The following DNER variants were observed in gnomAD, a reference collection of about 807,000 sequenced individuals.
DNER encodes delta/notch like EGF repeat containing, also known as delta and Notch-like epidermal growth factor-related receptor.
Under a neutral mutation model 78.2 loss-of-function variants are expected in DNER, and 33 were observed. The ratio of observed to expected loss-of-function variants is 0.42; its 90% CI spans 0.32 to 0.56. DNER has a LOEUF of 0.56. Ranked by LOEUF, DNER falls within the 20% of genes least tolerant of loss-of-function variation. The pLI, the probability that DNER is intolerant of heterozygous loss-of-function variation, is 0.11. For missense variants in DNER, 918 were observed against 975.3 expected, an observed-to-expected ratio of 0.94 and a Z score of 0.78; for synonymous variants, 417 against 384.8, an observed-to-expected ratio of 1.08 and a Z score of -0.98.
rs142133980 is a variant in DNER, at chr2:229,590,461, G to A, written c.585+1119C>T. Reference sequence around the variant, plus strand: ...CAAAAATAGAACCTAAATGACAACAGTAAAAAAATAGTTGAGTGTTGCGGT... The same window carrying A: ...CAAAAATAGAACCTAAATGACAACAATAAAAAAATAGTTGAGTGTTGCGGT... On this transcript the variant is annotated intron_variant, in intron 2 of 12. Coordinates refer to ENST00000341772, the MANE Select transcript of DNER (RefSeq NM_139072.4). 9.9e-3 allele frequency among the ~76,000 whole-genome samples: 1,503 copies of A among 152,258 alleles called. 24 individuals are homozygous for A. Among genetic ancestry groups the A allele is most frequent in the African/African-American group, 0.034 (1,424 of 41,558 alleles).
chr2:229,467,841 A>G (rs754794558), intron 7 of DNER, among the ~76,000 whole-genome samples: 6 of 152,252 alleles, frequency 3.9e-5, no homozygotes, highest in Non-Finnish European at 7.3e-5. Context: ...AAGAAAAAAA[A>G]TAAAAATAAA....
intron 6 of DNER, among the ~76,000 whole-genome samples, chr2:229,491,978 GAC>G (rs1438890160): frequency 5.7e-5 from 8 of 139,976 alleles, no homozygotes; most frequent in Non-Finnish European, 1.3e-4. Flanking sequence ...CACACACACA[GAC>G]ACACAGACAC....
intron 1 of DNER, among the ~76,000 whole-genome samples, chr2:229,681,311 A>T (rs1425838660): frequency 1.3e-5 from 2 of 152,224 alleles, no homozygotes; most frequent in Admixed American, 1.3e-4. Flanking sequence ...CAAGGTTCTA[A>T]CACTTAAGTC....
chr2:229,581,336 A>T (rs10175534), intron 4 of DNER, among the ~76,000 whole-genome samples: 5,782 of 152,280 alleles, frequency 0.038, 359 homozygotes, highest in African/African-American at 0.12. Flanking sequence ...AAAATACGAA[A>T]CATCCAGCAA....
At chr2:229,578,621 T>C (rs1697342964) in intron 4 of DNER, among the ~76,000 whole-genome samples, 1 of 152,142 alleles carries the variant, frequency 6.6e-6, no homozygotes. Context: ...CTTTCAATAC[T>C]GCCAGCAGCC....
Position 229,700,284 on chromosome 2 carries a change from A to ATGTGTGTGTGTG in DNER, c.276+13852_276+13863dup, listed in dbSNP as rs74181354. ...AATGTATATACATTTATGTCAATAT[A>ATGTGTGTGTGTG]TGTGTGTGTGTGTGTGTGTGTGTGT... On this transcript the variant is annotated intron_variant, in intron 1 of 12. Transcript: ENST00000341772. 6.6e-3 allele frequency among the ~76,000 whole-genome samples: 242 copies of ATGTGTGTGTGTG among 36,570 alleles called. 4 individuals carry two copies. Among genetic ancestry groups the ATGTGTGTGTGTG allele is most frequent in the African/African-American group, 0.015 (237 of 15,574 alleles). 24.0% of individuals were successfully genotyped at this position (36,570 alleles called of 152,430 possible). A position where few individuals can be genotyped will look rare whatever the true frequency, so the allele number is the denominator to read the frequency against.
chr2:229,555,634 A>AGAGAAGTGGT (rs1455112872), intron 4 of DNER, among the ~76,000 whole-genome samples: 32 of 152,330 alleles, frequency 2.1e-4, no homozygotes, highest in Admixed American at 1.8e-3. Flanking sequence ...GACAAGTCTT[A>AGAGAAGTGGT]GAGAAGTGGT....
In DNER at chr2:229,360,368, T is replaced by C. The variant is rs577575742; in HGVS notation, c.2103-1717A>G. On this transcript the variant is annotated intron_variant, in intron 12 of 12. Coordinates refer to ENST00000341772, the MANE Select transcript of DNER (RefSeq NM_139072.4). ...CTAACTAATTATTCGATTGGTTGGC[T>C]GAAAGGAAAAACCCAATTGTATATA... is the stretch of plus-strand genomic sequence containing the variant. 2.0e-5 allele frequency among the ~76,000 whole-genome samples: 3 copies of C among 152,366 alleles called. 1 individual carries two copies. In the East Asian group the frequency reaches 5.8e-4, roughly 29 times the overall value.
chr2:229,561,457 C>T (rs13385792), intron 4 of DNER, among the ~76,000 whole-genome samples: 3,776 of 152,222 alleles, frequency 0.025, 156 homozygotes, highest in African/African-American at 0.087. Context: ...TACCTTCCTA[C>T]TTTATAAACA....
intron 1 of DNER, among the ~76,000 whole-genome samples, chr2:229,693,945 G>A (rs1699622977): frequency 6.6e-6 from 1 of 152,218 alleles, no homozygotes; most frequent in African/African-American, 2.4e-5. Flanking sequence ...GACCTTCACA[G>A]CAGCCCCTCC....
chr2:229,432,169 A>T (rs1401681371), intron 8 of DNER, among the ~76,000 whole-genome samples: 1 of 152,264 alleles, frequency 6.6e-6, no homozygotes, highest in East Asian at 1.9e-4. Context: ...CAGTAAGAAA[A>T]GCATTTTAAT....
At chr2:229,676,902 C>T (rs1574559259) in intron 1 of DNER, among the ~76,000 whole-genome samples, 2 of 152,196 alleles carry the variant, frequency 1.3e-5, no homozygotes, top group Middle Eastern at 3.4e-3. Flanking sequence ...TACATCTGTT[C>T]TTTGATTCTG....
rs570425081 is a variant in DNER at position 229,579,025 on chromosome 2, G to C, written c.847+6833C>G. On this transcript the variant is annotated intron_variant, in intron 4 of 12. Transcript: ENST00000341772. ...GGCAGGTGACATATTCAAAGGTTCT[G>C]TTACATGCTTGTTGAAATATCTCTA... Among the ~76,000 whole-genome samples, 25 of 152,282 alleles carry C rather than the reference G, an allele frequency of 1.6e-4. No homozygotes were observed. The South Asian group carries it at 5.2e-3, about 32-fold the overall frequency.
intron 6 of DNER, among the ~76,000 whole-genome samples, chr2:229,480,104 G>T (rs35265916): frequency 0.12 from 19,006 of 152,150 alleles, 1,331 homozygotes; most frequent in South Asian, 0.2. Flanking sequence ...GAACTTCAAA[G>T]TTCTTTCAAT....
intron 6 of DNER, among the ~76,000 whole-genome samples, chr2:229,503,318 A>G (rs1299337889): frequency 6.6e-6 from 1 of 152,224 alleles, no homozygotes; most frequent in Non-Finnish European, 1.5e-5. Context: ...TAGACTGAGG[A>G]GAGGCCCTTG....
intron 4 of DNER, among the ~76,000 whole-genome samples, chr2:229,563,719 A>ACCAT (rs1697024192): frequency 6.8e-6 from 1 of 148,058 alleles, no homozygotes; most frequent in Non-Finnish European, 1.5e-5. Flanking sequence ...TCACCCCATC[A>ACCAT]CCATCATCAT....
intron 6 of DNER, among the ~76,000 whole-genome samples, chr2:229,501,652 A>G (rs1695626765): frequency 6.6e-6 from 1 of 152,208 alleles, no homozygotes; most frequent in Non-Finnish European, 1.5e-5. Context: ...CACAGTTTGA[A>G]TTAATTCATT....
chr2:229,659,160 C>T lies in DNER; in HGVS notation c.276+54988G>A, dbSNP rs140978640. ...AAGAGTGTTTCTTTGTCCTAAGACA[C>T]GGATGGGGCATCCTTTCAAAGTCTC... On this transcript the variant is annotated intron_variant, in intron 1 of 12. Transcript: ENST00000341772. Among the ~76,000 whole-genome samples, 634 of 152,232 alleles carry T rather than the reference C, an allele frequency of 4.2e-3. 4 individuals carry two copies. Among genetic ancestry groups the T allele is most frequent in the African/African-American group, 0.014 (596 of 41,562 alleles).
rs571660642 is a variant in DNER at position 229,482,029 on chromosome 2, A to G, written c.1148-4776T>C. Among the ~76,000 whole-genome samples, 7 of 152,370 alleles carry G rather than the reference A, an allele frequency of 4.6e-5. No homozygotes were observed. The South Asian group carries it at 1.4e-3, about 32-fold the overall frequency. Reference sequence around the variant, plus strand: ...AATGTGTGAATGTCATTGACACTTGACTAAAAATGCAAGACAATGATAAAC... The same window carrying G: ...AATGTGTGAATGTCATTGACACTTGGCTAAAAATGCAAGACAATGATAAAC... On this transcript the variant is annotated intron_variant, in intron 6 of 12. Coordinates refer to ENST00000341772, the MANE Select transcript of DNER (RefSeq NM_139072.4).
Sources: gnomAD v4.1 joint callset for allele counts (sites outside exome capture counted in the v4.1 genomes callset) on GRCh38, gnomAD v4.1.1 for gene constraint, MANE v1.5 for transcripts, NCBI Gene and HGNC (gene_info 2026-07-23, HGNC 2026-07-21) for gene names.